The following PHKG1 variants were observed in gnomAD, a reference collection of about 807,000 sequenced individuals.
PHKG1 encodes the protein phosphorylase kinase catalytic subunit gamma 1, also known as phosphorylase b kinase gamma catalytic chain, skeletal muscle/heart isoform.
PHKG1 carries 48 observed loss-of-function variants against 50.5 expected under a neutral mutation model. The ratio of observed to expected loss-of-function variants is 0.95; its 90% CI spans 0.75 to 1.21. PHKG1 has a LOEUF of 1.21. Among genes scored for constraint, PHKG1 ranks in the 50% most tolerant of loss-of-function variants. The pLI is 0.00. For synonymous variants in PHKG1, 204 were observed against 212.8 expected (o/e 0.96, Z 0.36); for missense variants, 487 against 519.5 (o/e 0.94, Z 0.61).
chr7:56,086,952 C>T lies in PHKG1; in HGVS notation c.317+18G>A. On this transcript the variant is annotated intron_variant, in intron 4 of 9. Transcript: ENST00000297373. ...GAGGTTCTCTCAGGTGTGGCTTGCT[C>T]CAGTGCTGGGTACTTACAGGTCAAA... is the stretch of plus-strand genomic sequence containing the variant. 1 of 1,605,980 alleles carries T rather than the reference C, an allele frequency of 6.2e-7. No homozygotes were observed. Among genetic ancestry groups the T allele is most frequent in the South Asian group, 1.1e-5 (1 of 90,916 alleles).
Position 56,081,133 on chromosome 7 carries a change from C to G in PHKG1, c.1085G>C (p.Gly362Ala). Residue 362 changes from glycine to alanine, a missense_variant, in exon 10 of 10, where the codon GGG becomes GCG. Physicochemically the swap from Gly to Ala is moderately conservative, Grantham distance 60 (BLOSUM62 0). Transcript: ENST00000297373. This position sits in a 1 kb window ranked among gnomAD's most constrained non-coding sequence, Gnocchi z 4.6. ...AAGGGCTGCCCGGTTCTGCTGCTGC[C>G]CCTTCTTCACCCAGTGGCCATAGAT... ...FRIYGHWVKKGQQQNRAALFE... is the reference protein window; with the variant it reads ...FRIYGHWVKKAQQQNRAALFE... The G allele has an allele frequency of 1.2e-6, 2 of 1,613,818 alleles. No individual in the cohort carries two copies. Among genetic ancestry groups the G allele is most frequent in the Non-Finnish European group, 1.7e-6 (2 of 1,179,908 alleles).
chr7:56,086,865 T>A (rs377279656), intron 4 of PHKG1, 105 bp downstream of exon 4: 61 of 871,796 alleles, frequency 7.0e-5, no homozygotes, highest in East Asian at 3.1e-4. Context: ...TTTGGCATCC[T>A]CAGCGCAGGA....
rs115970013 is a variant in PHKG1, at chr7:56,086,082, C to T, written c.317+888G>A. Among the ~76,000 whole-genome samples, 1,116 of 151,616 alleles carry T rather than the reference C, an allele frequency of 7.4e-3. 9 individuals are homozygous for T. The highest frequency in any genetic ancestry group is 0.025 in the African/African-American group (1,054 of 41,344). Reference sequence around the variant, plus strand: ...GCAGGACCTGGTCTTTGGTGCTGACCGACCTTACATCCTGCCACCCTCTGC... The same window carrying T: ...GCAGGACCTGGTCTTTGGTGCTGACTGACCTTACATCCTGCCACCCTCTGC... On this transcript the variant is annotated intron_variant, in intron 4 of 9. Transcript: ENST00000297373.
chr7:56,088,795 G>C, intron 2 of PHKG1, 64 bp downstream of exon 2: 1 of 1,110,302 alleles, frequency 9.0e-7, no homozygotes, highest in Non-Finnish European at 1.4e-6. Flanking sequence ...AGCAGAGCTG[G>C]CTGTAGCCCA....
In PHKG1 at chr7:56,081,184, C is replaced by A. The variant is rs373447305; in HGVS notation, c.1034G>T (p.Arg345Leu). The change falls in exon 10 of 10, where the codon CGG becomes CTG. Residue 345 changes from arginine to leucine, a missense_variant. Transcript: ENST00000297373. This position sits in a 1 kb window ranked among gnomAD's most constrained non-coding sequence, Gnocchi z 4.6. ...RDPYALRPLR[R>L]LIDAYAFRIY... ...TCGGAAAGCGTAGGCGTCGATGAGCCGGCGCAGAGGCCGGAGGGCATAGGG... is the reference window on the plus strand; with the variant it reads ...TCGGAAAGCGTAGGCGTCGATGAGCAGGCGCAGAGGCCGGAGGGCATAGGG... 1 of 1,613,770 alleles carries A rather than the reference C, an allele frequency of 6.2e-7. No individual in the cohort carries two copies. The highest frequency in any genetic ancestry group is 1.3e-5 in the African/African-American group (1 of 74,898).
rs1796383682 is a variant in PHKG1, at chr7:56,088,901, T to C, written c.41A>G (p.Gln14Arg). The C allele has an allele frequency of 1.2e-6, 2 of 1,613,890 alleles. No homozygotes were observed. Among genetic ancestry groups the C allele is most frequent in the Non-Finnish European group, 8.5e-7 (1 of 1,179,886 alleles). Residue 14 changes from glutamine to arginine, a missense_variant, in exon 2 of 10, where the codon CAG (glutamine) becomes CGG (arginine). Gln to Arg is a conservative substitution (Grantham distance 43). Coordinates refer to ENST00000297373, the MANE Select transcript of PHKG1 (RefSeq NM_006213.5). ...GGGCTCATAATTCTCATAGAAGTCC[T>C]GTGCAGAATGAGAGTCCGGCAGTGC... ...DEALPDSHSA[Q>R]DFYENYEPKE... is the part of the protein sequence containing the mutation.
intron 2 of PHKG1, 107 bp from the exon 3 acceptor site, chr7:56,087,883 T>C: frequency 1.2e-6 from 1 of 815,300 alleles, no homozygotes; most frequent in Non-Finnish European, 1.9e-6. Context: ...GATTTACACT[T>C]TCCCCCAACT....
chr7:56,083,249 G>C (rs1487448565), intron 6 of PHKG1, 29 bp downstream of exon 6: 1 of 1,609,872 alleles, frequency 6.2e-7, no homozygotes, highest in Non-Finnish European at 8.5e-7. Flanking sequence ...CCCGAGGCCT[G>C]GACGTGGGCC....
In PHKG1 at chr7:56,081,029, T is replaced by C. The variant is rs774179559; in HGVS notation, c.*25A>G. The C allele has an allele frequency of 3.5e-5, 49 of 1,392,064 alleles. No individual in the cohort carries two copies. The highest frequency in any genetic ancestry group is 1.5e-4 in the South Asian group (13 of 87,248). 86.2% of individuals were successfully genotyped at this position (1,392,064 alleles called of 1,614,324 possible). On this transcript the variant is annotated 3_prime_UTR_variant, in exon 10 of 10. Transcript: ENST00000297373. The surrounding 1 kb of genome is among the most constrained non-coding windows in gnomAD (Gnocchi z 4.6). ...TGGCTTCCCCTCCCCACCTGCCCCC[T>C]AGCCCTCCCTGACTGGCCAGCCCCT...
At position 56,081,672 on chromosome 7, in the gene PHKG1, C is replaced by G; in HGVS notation, c.876G>C (p.Leu292Phe). 6.2e-7 allele frequency: 1 copy of G among 1,613,890 alleles called. No individual in the cohort carries two copies. The highest frequency in any genetic ancestry group is 1.1e-5 in the South Asian group (1 of 91,068). ...GGCTGAAGTGCCGCACTTCCTCCAC[C>G]AAGTACTGCTGGAAGAAGGGGTGTG... ...ALAHPFFQQY[L>F]VEEVRHFSPR... The change falls in exon 9 of 10, where the codon TTG becomes TTC. Residue 292 changes from leucine (L) to phenylalanine (F), a missense_variant. By Grantham distance (22) the Leu-to-Phe change is conservative. Coordinates refer to ENST00000297373, the MANE Select transcript of PHKG1 (RefSeq NM_006213.5). This position sits in a 1 kb window ranked among gnomAD's most constrained non-coding sequence, Gnocchi z 4.6.
At chr7:56,088,721 A>T in intron 2 of PHKG1, 138 bp downstream of exon 2, 1 of 616,506 alleles carries the variant, frequency 1.6e-6, no homozygotes, top group East Asian at 2.8e-5. Context: ...CAGGACCCCA[A>T]ACAAAGGGTT....
intron 1 of PHKG1, among the ~76,000 whole-genome samples, chr7:56,089,900 A>T (rs567207839): frequency 6.6e-6 from 1 of 152,194 alleles, no homozygotes; most frequent in African/African-American, 2.4e-5. Context: ...GCCTCAAGCA[A>T]TCTTCCCGCC....
At chr7:56,088,833 C>G in intron 2 of PHKG1, 26 bp downstream of exon 2, 1 of 1,564,460 alleles carries the variant, frequency 6.4e-7, no homozygotes. Context: ...TAGGACAGCA[C>G]TTCGTGGGGA....
intron 4 of PHKG1, among the ~76,000 whole-genome samples, chr7:56,086,653 C>T (rs1339036793): frequency 1.3e-5 from 2 of 152,064 alleles, no homozygotes; most frequent in Admixed American, 6.6e-5. Context: ...GCTGGGATTA[C>T]GGTTGTGAGC....
At chr7:56,085,920 G>A (rs528242245) in intron 4 of PHKG1, among the ~76,000 whole-genome samples, 2 of 150,602 alleles carry the variant, frequency 1.3e-5, no homozygotes, top group East Asian at 3.9e-4. Context: ...GTTGCAGTGA[G>A]CCGAGATCGC....
intron 1 of PHKG1, among the ~76,000 whole-genome samples, chr7:56,089,207 C>T (rs1250959768): frequency 6.6e-6 from 1 of 152,016 alleles, no homozygotes; most frequent in Non-Finnish European, 1.5e-5. Context: ...ATTTCGAGAC[C>T]AGCCTGGCCA....
chr7:56,092,911 G>C lies in PHKG1; in HGVS notation c.-110C>G, dbSNP rs1300413678. The C allele has an allele frequency of 6.6e-6, 1 of 152,250 alleles. No homozygotes were observed. The highest frequency in any genetic ancestry group is 1.9e-4 in the East Asian group (1 of 5,188). The allele number at this position is 152,250 out of a possible 1,614,324, so 9.4% of individuals were successfully genotyped here. ...CCCCGGGGAGAGGGGACCACAGAGG[G>C]CTGAAGCCGTGTCCCGAGCAGACAC... On this transcript the variant is annotated 5_prime_UTR_variant, in exon 1 of 10. Transcript: ENST00000297373.
rs1448596685 is a variant in PHKG1 at position 56,081,672 on chromosome 7, C to T, written c.876G>A (p.Leu292=). 1 of 1,613,890 alleles carries T rather than the reference C, an allele frequency of 6.2e-7. No individual in the cohort carries two copies. The highest frequency in any genetic ancestry group is 2.2e-5 in the East Asian group (1 of 44,860). The change falls in exon 9 of 10, where the codon TTG becomes TTA. Residue 292 remains leucine (L), a synonymous_variant. Coordinates refer to ENST00000297373, the MANE Select transcript of PHKG1 (RefSeq NM_006213.5). The surrounding 1 kb of genome is among the most constrained non-coding windows in gnomAD (Gnocchi z 4.6). ...GGCTGAAGTGCCGCACTTCCTCCAC[C>T]AAGTACTGCTGGAAGAAGGGGTGTG... is the stretch of plus-strand genomic sequence containing the variant. The part of the protein sequence containing the change: ...ALAHPFFQQY[L]VEEVRHFSPR...
rs576084915 is a variant in PHKG1, at chr7:56,088,819, A to C, written c.83+40T>G. 7.8e-6 allele frequency: 11 copies of C among 1,415,616 alleles called. No individual in the cohort carries two copies. The African/African-American group carries it at 1.5e-4, about 20-fold the overall frequency. 87.7% of individuals were successfully genotyped at this position (1,415,616 alleles called of 1,614,324 possible). A position where few individuals can be genotyped will look rare whatever the true frequency, so the allele number is the denominator to read the frequency against. On this transcript the variant is annotated intron_variant, in intron 2 of 9. Coordinates refer to ENST00000297373, the MANE Select transcript of PHKG1 (RefSeq NM_006213.5). ...GGCTGTAGCCCACAGGGTCTGCTGG[A>C]GCCTAGGACAGCACTTCGTGGGGAA...
Sources: gnomAD v4.1 joint callset for allele counts (sites outside exome capture counted in the v4.1 genomes callset) on GRCh38, gnomAD v4.1.1 for gene constraint, Gnocchi (gnomAD v3.1) non-coding constraint, MANE v1.5 for transcripts, NCBI Gene and HGNC (gene_info 2026-07-23, HGNC 2026-07-21) for gene names.